The following LUZP2 variants were observed in gnomAD, a reference collection of about 807,000 sequenced individuals.
LUZP2 encodes leucine zipper protein 2.
In LUZP2, 52 loss-of-function variants were observed where a neutral mutation model predicts 51.6. That is an observed-to-expected ratio of 1.01 (90% confidence interval 0.81 to 1.27). The LOEUF is 1.27. LUZP2 is among the 50% of genes most tolerant of loss of function. The pLI is 0.00. For synonymous variants in LUZP2, 154 were observed against 137.3 expected (o/e 1.12, Z -0.85); for missense variants, 436 against 395.4 (o/e 1.10, Z -0.87).
intron 10 of LUZP2, among the ~76,000 whole-genome samples, chr11:25,071,216 T>C (rs1426927050): frequency 1.3e-5 from 2 of 151,928 alleles, no homozygotes; most frequent in African/African-American, 4.8e-5. Flanking sequence ...AGCAATTAAG[T>C]TGAAACAGAA....
intron 1 of LUZP2, among the ~76,000 whole-genome samples, chr11:24,560,588 CT>C (rs1852009508): frequency 6.6e-6 from 1 of 152,108 alleles, no homozygotes; most frequent in Non-Finnish European, 1.5e-5. Flanking sequence ...ACATAGGTAG[CT>C]TGAAAAATAC....
At chr11:24,817,844 C>A (rs1850230839) in intron 5 of LUZP2, among the ~76,000 whole-genome samples, 1 of 151,926 alleles carries the variant, frequency 6.6e-6, no homozygotes, top group African/African-American at 2.4e-5. Flanking sequence ...TTTTCTCTTT[C>A]CCAGGGGTAG....
rs921781032 is a variant in LUZP2, at chr11:24,987,225, T to C, written c.765+3932T>C. Among the ~76,000 whole-genome samples, 4 of 152,086 alleles carry C rather than the reference T, an allele frequency of 2.6e-5. No individual in the cohort carries two copies. In the South Asian group the frequency reaches 8.3e-4, roughly 32 times the overall value. On this transcript the variant is annotated intron_variant, in intron 9 of 11. Coordinates refer to ENST00000336930, the MANE Select transcript of LUZP2 (RefSeq NM_001009909.4). The stretch of plus-strand genomic sequence containing the variant: ...GAAAACACCTGAAGAAAATTTTTAG[T>C]GGGATGTTACTTTAACTTTGAATAA...
chr11:24,810,072 T>G (rs1008053254), intron 5 of LUZP2, among the ~76,000 whole-genome samples: 1 of 152,174 alleles, frequency 6.6e-6, no homozygotes, highest in African/African-American at 2.4e-5. Flanking sequence ...TATAAGTAGT[T>G]GTGTTCCAGG....
intron 1 of LUZP2, among the ~76,000 whole-genome samples, chr11:24,715,942 A>AT (rs1407177890): frequency 6.6e-6 from 1 of 151,982 alleles, no homozygotes; most frequent in Non-Finnish European, 1.5e-5. Flanking sequence ...TATTTTCATC[A>AT]TTTACTATCT....
At chr11:24,676,099 G>T (rs1312570921) in intron 1 of LUZP2, among the ~76,000 whole-genome samples, 1 of 152,054 alleles carries the variant, frequency 6.6e-6, no homozygotes, top group Non-Finnish European at 1.5e-5. Context: ...GATTACAGGA[G>T]TGAGCCACCA....
At chr11:24,708,610 C>T (rs958611877) in intron 1 of LUZP2, among the ~76,000 whole-genome samples, 1 of 152,052 alleles carries the variant, frequency 6.6e-6, no homozygotes, top group Non-Finnish European at 1.5e-5. Flanking sequence ...TTCTTGTAGG[C>T]CTATAAGAAT....
intron 1 of LUZP2, among the ~76,000 whole-genome samples, chr11:24,656,900 G>T (rs1314946764): frequency 6.6e-6 from 1 of 152,054 alleles, no homozygotes; most frequent in Non-Finnish European, 1.5e-5. Context: ...GATAATTCAG[G>T]GTAATCTCTT....
intron 1 of LUZP2, among the ~76,000 whole-genome samples, chr11:24,722,149 C>T (rs1291302862): frequency 6.6e-6 from 1 of 152,102 alleles, no homozygotes; most frequent in East Asian, 1.9e-4. Flanking sequence ...CATAGGCTTC[C>T]AGAAAATATA....
At chr11:24,960,424 C>G (rs1273317478) in intron 7 of LUZP2, among the ~76,000 whole-genome samples, 5 of 152,104 alleles carry the variant, frequency 3.3e-5, no homozygotes, top group Non-Finnish European at 7.3e-5. Context: ...GCCTCAATTT[C>G]AGCTCCTGTT....
intron 1 of LUZP2, among the ~76,000 whole-genome samples, chr11:24,591,384 C>G (rs1044876133): frequency 1.3e-5 from 2 of 152,136 alleles, no homozygotes; most frequent in Non-Finnish European, 2.9e-5. Flanking sequence ...TTTCTGAAGT[C>G]AAGGATTATG....
intron 9 of LUZP2, among the ~76,000 whole-genome samples, chr11:25,018,054 T>TTTGTTTTG (rs1257085875): frequency 2.3e-4 from 23 of 98,420 alleles, no homozygotes; most frequent in African/African-American, 4.1e-4. Flanking sequence ...TTTTGTTTTT[T>TTTGTTTTG]TTTTTGCAGC....
intron 1 of LUZP2, among the ~76,000 whole-genome samples, chr11:24,718,211 T>C (rs1858129587): frequency 6.6e-6 from 1 of 152,138 alleles, no homozygotes; most frequent in South Asian, 2.1e-4. Context: ...GCCAATTAAT[T>C]AATGGTGTAA....
chr11:25,015,081 A>G (rs190143831), intron 9 of LUZP2, among the ~76,000 whole-genome samples: 2 of 152,128 alleles, frequency 1.3e-5, no homozygotes, highest in Non-Finnish European at 2.9e-5. Context: ...TGTATTTATT[A>G]TAAAATATTT....
At chr11:24,991,269 C>G (rs572390601) in intron 9 of LUZP2, among the ~76,000 whole-genome samples, 1 of 151,820 alleles carries the variant, frequency 6.6e-6, no homozygotes, top group South Asian at 2.1e-4. Context: ...AGTCTCAGTT[C>G]TCATCCAGGT....
chr11:24,658,045 G>C (rs1332295777), intron 1 of LUZP2, among the ~76,000 whole-genome samples: 2 of 152,164 alleles, frequency 1.3e-5, no homozygotes, highest in African/African-American at 2.4e-5. Flanking sequence ...AGCTACAAAT[G>C]ACTTTCTTCA....
At chr11:24,770,837 A>G (rs1210434983) in intron 5 of LUZP2, among the ~76,000 whole-genome samples, 1 of 152,182 alleles carries the variant, frequency 6.6e-6, no homozygotes, top group Non-Finnish European at 1.5e-5. Context: ...TATAGGTTGT[A>G]CCTTAGAAAA....
At chr11:25,031,202 G>A (rs1857676185) in intron 9 of LUZP2, among the ~76,000 whole-genome samples, 1 of 149,776 alleles carries the variant, frequency 6.7e-6, no homozygotes, top group African/African-American at 2.5e-5. Context: ...AGTAGAAATG[G>A]GGTGTCACCA....
intron 1 of LUZP2, among the ~76,000 whole-genome samples, chr11:24,615,813 A>T (rs1476981990): frequency 6.6e-6 from 1 of 150,998 alleles, no homozygotes; most frequent in Non-Finnish European, 1.5e-5. Flanking sequence ...TTTTGGTTTT[A>T]TATATGTCTC....
Sources: gnomAD v4.1 joint callset for allele counts (sites outside exome capture counted in the v4.1 genomes callset) on GRCh38, gnomAD v4.1.1 for gene constraint, MANE v1.5 for transcripts, NCBI Gene and HGNC (gene_info 2026-07-23, HGNC 2026-07-21) for gene names.